Variants in CPQ observed in about 807,000 individuals in gnomAD.
CPQ encodes carboxypeptidase Q, also known as Ser-Met dipeptidase.
Under a neutral mutation model 45.7 loss-of-function variants are expected in CPQ, and 37 were observed. The observed-to-expected ratio is 0.81, with a 90% CI of 0.62 to 1.07. CPQ has a LOEUF of 1.07. CPQ is among the 50% of genes least tolerant of loss of function. The pLI is 0.00. For missense variants in CPQ, 537 were observed against 572.9 expected (o/e 0.94, Z 0.64); for synonymous variants, 186 against 205.8 (o/e 0.90, Z 0.82).
At chr8:96,879,078 T>G (rs1245560154) in intron 3 of CPQ, among the ~76,000 whole-genome samples, 1 of 152,216 alleles carries the variant, frequency 6.6e-6, no homozygotes, top group Non-Finnish European at 1.5e-5. Context: ...CAGATTAATA[T>G]AGGCTTCAAT....
chr8:96,828,852 A>G (rs957796641), intron 2 of CPQ, among the ~76,000 whole-genome samples: 3 of 152,128 alleles, frequency 2.0e-5, no homozygotes, highest in South Asian at 2.1e-4. Context: ...GATAATTACT[A>G]TAAGAAATCA....
intron 7 of CPQ, among the ~76,000 whole-genome samples, chr8:97,069,469 C>CT (rs1810698696): frequency 2.2e-5 from 3 of 138,514 alleles, no homozygotes; most frequent in Admixed American, 7.4e-5. Context: ...CCATCTGTCT[C>CT]TAAAAAAAAA....
At chr8:96,836,171 A>G (rs1276163103) in intron 3 of CPQ, among the ~76,000 whole-genome samples, 4 of 152,164 alleles carry the variant, frequency 2.6e-5, no homozygotes, top group Non-Finnish European at 4.4e-5. Context: ...TTTAATATCT[A>G]TTGGAAAGGG....
intron 5 of CPQ, among the ~76,000 whole-genome samples, chr8:96,981,116 G>A (rs1813888480): frequency 6.6e-6 from 1 of 152,098 alleles, no homozygotes; most frequent in Non-Finnish European, 1.5e-5. Flanking sequence ...ACCAAATCTA[G>A]TGCTTACTAT....
At chr8:97,129,446 G>A (rs1224169977) in intron 7 of CPQ, among the ~76,000 whole-genome samples, 1 of 152,076 alleles carries the variant, frequency 6.6e-6, no homozygotes, top group South Asian at 2.1e-4. Flanking sequence ...ATCATTGTGA[G>A]GCTTTGATAA....
chr8:96,673,004 A>G (rs1245828385), intron 1 of CPQ, among the ~76,000 whole-genome samples: 2 of 152,136 alleles, frequency 1.3e-5, no homozygotes, highest in African/African-American at 2.4e-5. Context: ...AGAGTGTGCC[A>G]GGCAGAAGGA....
At chr8:96,686,814 G>A (rs1809234647) in intron 1 of CPQ, among the ~76,000 whole-genome samples, 1 of 151,990 alleles carries the variant, frequency 6.6e-6, no homozygotes. Context: ...CCAACTATGT[G>A]TTGAACTATT....
chr8:97,106,769 C>A (rs745891401), intron 7 of CPQ, among the ~76,000 whole-genome samples: 13 of 151,918 alleles, frequency 8.6e-5, no homozygotes, highest in African/African-American at 2.7e-4. Flanking sequence ...AGAGCCCTGG[C>A]AGTTCCATCA....
chr8:96,929,138 G>A (rs1041100608), intron 4 of CPQ, among the ~76,000 whole-genome samples: 1 of 152,182 alleles, frequency 6.6e-6, no homozygotes, highest in South Asian at 2.1e-4. Context: ...ATTTACATGA[G>A]TGATAGTTTA....
intron 7 of CPQ, among the ~76,000 whole-genome samples, chr8:97,087,684 A>T (rs1811063317): frequency 6.6e-6 from 1 of 152,206 alleles, no homozygotes; most frequent in Non-Finnish European, 1.5e-5. Context: ...AACATCACAA[A>T]TGCAAAAGAC....
intron 5 of CPQ, among the ~76,000 whole-genome samples, chr8:96,971,895 G>A (rs1048886614): frequency 6.6e-6 from 1 of 152,160 alleles, no homozygotes; most frequent in Non-Finnish European, 1.5e-5. Flanking sequence ...GGCAGGACTA[G>A]TTTGCAGCTC....
chr8:96,720,701 C>T (rs1004812219), intron 1 of CPQ, among the ~76,000 whole-genome samples: 8 of 151,810 alleles, frequency 5.3e-5, no homozygotes, highest in Non-Finnish European at 1.2e-4. Context: ...CCCAGTTTTG[C>T]TCCCCCCTCC....
chr8:96,793,920 G>A (rs1810887280), intron 2 of CPQ, among the ~76,000 whole-genome samples: 3 of 152,196 alleles, frequency 2.0e-5, no homozygotes. Flanking sequence ...CTCACATCTA[G>A]GTCATGCCAA....
intron 1 of CPQ, among the ~76,000 whole-genome samples, chr8:96,743,168 C>T (rs187887171): frequency 0.042 from 6,420 of 152,130 alleles, 178 homozygotes; most frequent in Middle Eastern, 0.099. Context: ...GGAGGCTTTG[C>T]TCGTTTCTTT....
chr8:97,001,701 T>TTTTC (rs1324669582), intron 5 of CPQ, among the ~76,000 whole-genome samples: 16 of 149,766 alleles, frequency 1.1e-4, no homozygotes, highest in East Asian at 3.9e-4. Context: ...TGGCCTGAAG[T>TTTTC]TTTCTTTCTT....
At chr8:96,708,640 T>A (rs1261827466) in intron 1 of CPQ, among the ~76,000 whole-genome samples, 2 of 152,126 alleles carry the variant, frequency 1.3e-5, no homozygotes, top group Non-Finnish European at 2.9e-5. Context: ...TTTTCTGTCA[T>A]TAGTTTCCTG....
At chr8:97,009,184 C>A (rs569739664) in intron 5 of CPQ, among the ~76,000 whole-genome samples, 1 of 152,246 alleles carries the variant, frequency 6.6e-6, no homozygotes, top group East Asian at 1.9e-4. Context: ...GCCTGTCAGG[C>A]GCTGAGCACT....
chr8:96,706,792 C>T (rs1236432179), intron 1 of CPQ, among the ~76,000 whole-genome samples: 1 of 152,116 alleles, frequency 6.6e-6, no homozygotes, highest in African/African-American at 2.4e-5. Context: ...ATAGTCATTA[C>T]TTACGTCTTT....
chr8:96,917,715 A>C (rs1284921491), intron 4 of CPQ, among the ~76,000 whole-genome samples: 1 of 152,138 alleles, frequency 6.6e-6, no homozygotes, highest in East Asian at 1.9e-4. Context: ...ACATATCTAT[A>C]AGTATTTCTC....
Sources: allele counts gnomAD v4.1 joint callset (sites outside exome capture counted in the v4.1 genomes callset), GRCh38; gene constraint gnomAD v4.1.1; transcripts MANE v1.5; gene names NCBI Gene and HGNC (gene_info 2026-07-23, HGNC 2026-07-21).